LRMDA: variants seen among roughly 807,000 people sequenced by gnomAD.
LRMDA encodes the protein leucine-rich melanocyte differentiation-associated protein.
LRMDA carries 18 observed loss-of-function variants against 29.8 expected under a neutral mutation model. The ratio of observed to expected loss-of-function variants is 0.60; its 90% CI spans 0.42 to 0.90. LRMDA has a LOEUF of 0.90. Ranked by LOEUF, LRMDA falls within the 40% of genes least tolerant of loss-of-function variation. The pLI, the probability that LRMDA is intolerant of heterozygous loss-of-function variation, is 0.00. For missense variants in LRMDA, 273 were observed against 273.9 expected (o/e 1.00, Z 0.02); for synonymous variants, 125 against 109.4 (o/e 1.14, Z -0.89).
chr10:76,326,174 G>A (rs755438180), intron 6 of LRMDA, among the ~76,000 whole-genome samples: 112 of 152,162 alleles, frequency 7.4e-4, no homozygotes, highest in Non-Finnish European at 1.2e-3. Context: ...ATGGCCATAA[G>A]GAGACCAATA....
At chr10:75,732,955 G>A (rs1842717446) in intron 2 of LRMDA, among the ~76,000 whole-genome samples, 1 of 152,114 alleles carries the variant, frequency 6.6e-6, no homozygotes, top group South Asian at 2.1e-4. Flanking sequence ...TATATTGCTG[G>A]TGATACAGAA....
rs560779523 is a variant in LRMDA at position 76,214,251 on chromosome 10, G to T, written c.517-110150G>T. Among the ~76,000 whole-genome samples the T allele has an allele frequency of 1.3e-4, 20 of 151,026 alleles. No individual in the cohort carries two copies. The South Asian group carries it at 4.0e-3, about 30-fold the overall frequency. On this transcript the variant is annotated intron_variant, in intron 5 of 6. Transcript: ENST00000611255. ...CTATTTTCTCATCTGCACAATGAAA[G>T]AATTGGCTTAAATAATCTCCCATAT...
At chr10:76,351,084 GT>G in intron 6 of LRMDA, among the ~76,000 whole-genome samples, 1 of 152,088 alleles carries the variant, frequency 6.6e-6, no homozygotes, top group South Asian at 2.1e-4. Context: ...TACTAGATCA[GT>G]TAAATGTAGT....
chr10:75,446,486 G>T (rs1036606692), intron 2 of LRMDA, among the ~76,000 whole-genome samples: 2 of 152,176 alleles, frequency 1.3e-5, no homozygotes, highest in Non-Finnish European at 2.9e-5. Context: ...TAATGTGTTT[G>T]CATATCTCAG....
intron 2 of LRMDA, among the ~76,000 whole-genome samples, chr10:75,555,458 C>T (rs546159262): frequency 2.0e-5 from 3 of 152,226 alleles, no homozygotes; most frequent in Admixed American, 6.5e-5. Flanking sequence ...CCCCAAATTC[C>T]ATGTATAAAA....
intron 5 of LRMDA, among the ~76,000 whole-genome samples, chr10:76,107,290 T>TAA (rs906262146): frequency 1.3e-5 from 2 of 152,188 alleles, no homozygotes; most frequent in African/African-American, 4.8e-5. Flanking sequence ...GTTTGGGATT[T>TAA]AGTAAGTCTG....
intron 5 of LRMDA, among the ~76,000 whole-genome samples, chr10:76,292,262 C>T (rs934664567): frequency 3.9e-5 from 6 of 152,068 alleles, no homozygotes; most frequent in African/African-American, 1.2e-4. Context: ...CATAGTAATC[C>T]ACTGAAGGAA....
At chr10:76,234,264 T>A (rs1253343238) in intron 5 of LRMDA, among the ~76,000 whole-genome samples, 1 of 152,180 alleles carries the variant, frequency 6.6e-6, no homozygotes, top group East Asian at 1.9e-4. Context: ...AAAGAAATCT[T>A]TTTTTTCTGA....
chr10:75,914,227 C>A (rs1187358163), intron 2 of LRMDA, among the ~76,000 whole-genome samples: 1 of 152,128 alleles, frequency 6.6e-6, no homozygotes, highest in Non-Finnish European at 1.5e-5. Flanking sequence ...TTGTAGCTGG[C>A]AGTTGTTTTC....
chr10:75,662,967 T>C (rs1408449213), intron 2 of LRMDA, among the ~76,000 whole-genome samples: 3 of 152,240 alleles, frequency 2.0e-5, no homozygotes, highest in African/African-American at 4.8e-5. Context: ...AAACTCTTTA[T>C]AGAAGACTCT....
chr10:75,466,634 A>G (rs1451175653), intron 2 of LRMDA, among the ~76,000 whole-genome samples: 4 of 152,122 alleles, frequency 2.6e-5, no homozygotes, highest in Non-Finnish European at 5.9e-5. Flanking sequence ...TCCCTCCTGA[A>G]GGTGCAGGGC....
At chr10:76,258,081 G>C (rs1839890399) in intron 5 of LRMDA, among the ~76,000 whole-genome samples, 1 of 152,210 alleles carries the variant, frequency 6.6e-6, no homozygotes. Context: ...CACATACGAG[G>C]GGTGGAGAAC....
intron 2 of LRMDA, among the ~76,000 whole-genome samples, chr10:75,936,668 G>C (rs1846299874): frequency 6.6e-6 from 1 of 152,116 alleles, no homozygotes; most frequent in South Asian, 2.1e-4. Flanking sequence ...TGTCTGGTGA[G>C]GTCTTACTTT....
rs1841247005 is a variant in LRMDA at position 75,626,144 on chromosome 10, G to C, written c.131+187650G>C. 2.0e-5 allele frequency among the ~76,000 whole-genome samples: 3 copies of C among 151,986 alleles called. No homozygotes were observed. The South Asian group carries it at 6.2e-4, about 32-fold the overall frequency. On this transcript the variant is annotated intron_variant, in intron 2 of 6. Coordinates refer to ENST00000611255, the MANE Select transcript of LRMDA (RefSeq NM_001305581.2). ...TCCAAAGAGCTGGGATTACAGGTGT[G>C]AGCCACCACACCCGGCCAAGAGGAT...
At chr10:76,210,464 G>T (rs1218006058) in intron 5 of LRMDA, among the ~76,000 whole-genome samples, 1 of 152,206 alleles carries the variant, frequency 6.6e-6, no homozygotes, top group Non-Finnish European at 1.5e-5. Context: ...CATCCTCTGA[G>T]TGTACTGTAC....
chr10:75,549,242 A>G lies in LRMDA; in HGVS notation c.131+110748A>G, dbSNP rs112012805. ...TTTGATGGCTGTTTGGATTGTTTAA[A>G]GTTTTAGCTATTTTGAATAAGCAGC... On this transcript the variant is annotated intron_variant, in intron 2 of 6. Coordinates refer to ENST00000611255, the MANE Select transcript of LRMDA (RefSeq NM_001305581.2). Among the ~76,000 whole-genome samples the G allele has an allele frequency of 5.6e-4, 85 of 152,188 alleles. 1 individual carries two copies. Among genetic ancestry groups the G allele is most frequent in the African/African-American group, 2.0e-3 (82 of 41,518 alleles).
intron 2 of LRMDA, among the ~76,000 whole-genome samples, chr10:75,692,836 A>C (rs1256571953): frequency 2.6e-5 from 4 of 152,162 alleles, no homozygotes; most frequent in African/African-American, 4.8e-5. Flanking sequence ...GTGTGTGTGC[A>C]GTCAGCACAA....
intron 6 of LRMDA, among the ~76,000 whole-genome samples, chr10:76,374,895 A>C (rs1420229694): frequency 6.6e-6 from 1 of 152,186 alleles, no homozygotes; most frequent in Non-Finnish European, 1.5e-5. Flanking sequence ...GAGATTCAGA[A>C]TGTCTTTTGG....
At chr10:75,954,824 G>A (rs1436660061) in intron 2 of LRMDA, among the ~76,000 whole-genome samples, 1 of 152,236 alleles carries the variant, frequency 6.6e-6, no homozygotes, top group African/African-American at 2.4e-5. Context: ...CACAAACATC[G>A]ATAAACTCTG....
Sources: gnomAD v4.1 joint callset for allele counts (sites outside exome capture counted in the v4.1 genomes callset) on GRCh38, gnomAD v4.1.1 for gene constraint, MANE v1.5 for transcripts, NCBI Gene and HGNC (gene_info 2026-07-23, HGNC 2026-07-21) for gene names.